Variants in ARL15 observed in about 807,000 individuals in gnomAD.
The protein encoded by ARL15 is ARF like GTPase 15, also known as ADP-ribosylation factor-like protein 15.
ARL15 carries 19 observed loss-of-function variants against 25.2 expected under a neutral mutation model. The observed-to-expected ratio is 0.75, with a 90% confidence interval of 0.53 to 1.10. The LOEUF (loss-of-function observed/expected upper bound fraction) is 1.10, where lower values mean the gene tolerates loss of function less well. Ranked by LOEUF, ARL15 falls within the 50% of genes least tolerant of loss-of-function variation. The pLI, the probability that ARL15 is intolerant of heterozygous loss-of-function variation, is 0.00. For missense variants in ARL15, 220 were observed against 246.0 expected, an observed-to-expected ratio of 0.89 and a Z score of 0.71; for synonymous variants, 94 against 86.8, an observed-to-expected ratio of 1.08 and a Z score of -0.46.
Position 54,076,513 on chromosome 5 carries a change from G to A in ARL15, c.462+36689C>T, listed in dbSNP as rs974088291. Among the ~76,000 whole-genome samples the A allele has an allele frequency of 6.6e-5, 10 of 151,778 alleles. No homozygotes were observed. In the East Asian group the frequency reaches 9.7e-4, roughly 15 times the overall value. On this transcript the variant is annotated intron_variant, in intron 4 of 4. Transcript: ENST00000504924. Reference sequence around the variant, plus strand: ...ATTATGGATTCATATCATAATATACGTCAATATTAAATCCTTTCTGATAAA... The same window carrying A: ...ATTATGGATTCATATCATAATATACATCAATATTAAATCCTTTCTGATAAA...
intron 3 of ARL15, among the ~76,000 whole-genome samples, chr5:54,116,147 C>CA (rs1264912948): frequency 1.3e-5 from 2 of 152,174 alleles, no homozygotes; most frequent in African/African-American, 4.8e-5. Flanking sequence ...AGTCATTAGC[C>CA]ATCCCTGGGG....
rs950909488 is a variant in ARL15 at position 54,216,525 on chromosome 5, A to C, written c.49-44597T>G. Among the ~76,000 whole-genome samples the C allele has an allele frequency of 2.0e-5, 3 of 152,104 alleles. No individual in the cohort carries two copies. The South Asian group carries it at 6.2e-4, about 32-fold the overall frequency. On this transcript the variant is annotated intron_variant, in intron 1 of 4. Coordinates refer to ENST00000504924, the MANE Select transcript of ARL15 (RefSeq NM_019087.3). ...GAGACACTGCATATGTTATATCCCA[A>C]ATTTCCACATACTCAGCATAAGCTA...
intron 1 of ARL15, 30 bp downstream of exon 1, chr5:54,310,402 G>A: frequency 6.2e-7 from 1 of 1,602,192 alleles, no homozygotes; most frequent in Non-Finnish European, 8.5e-7. Flanking sequence ...AGATCCGAGA[G>A]GCGACATGCC....
intron 4 of ARL15, among the ~76,000 whole-genome samples, chr5:54,043,272 T>C (rs1443786431): frequency 6.6e-6 from 1 of 152,132 alleles, no homozygotes; most frequent in African/African-American, 2.4e-5. Flanking sequence ...CATATACAAT[T>C]ACCTTCCCAG....
chr5:54,280,975 A>G (rs1265420874), intron 1 of ARL15, among the ~76,000 whole-genome samples: 3 of 136,326 alleles, frequency 2.2e-5, no homozygotes, highest in African/African-American at 8.3e-5. Context: ...AGGCTGGTGG[A>G]AAAAAAAAAA....
At chr5:54,244,088 T>G (rs1163672860) in intron 1 of ARL15, among the ~76,000 whole-genome samples, 1 of 152,176 alleles carries the variant, frequency 6.6e-6, no homozygotes, top group African/African-American at 2.4e-5. Flanking sequence ...CTAGATTAAG[T>G]AATAATATGA....
rs80135623 is a variant in ARL15 at position 53,955,846 on chromosome 5, T to C, written c.463-69133A>G. Reference sequence around the variant, plus strand: ...AAGAATTGTTTTTGTCATTTCTAACTTATCTAGAGGCTACCTGAAGAACTT... The same window carrying C: ...AAGAATTGTTTTTGTCATTTCTAACCTATCTAGAGGCTACCTGAAGAACTT... On this transcript the variant is annotated intron_variant, in intron 4 of 4. Transcript: ENST00000504924. Among the ~76,000 whole-genome samples the C allele has an allele frequency of 7.9e-3, 1,198 of 152,218 alleles. 9 individuals carry two copies. The highest frequency in any genetic ancestry group is 1.0e-2 in the Non-Finnish European group (679 of 68,012).
chr5:54,192,477 A>G (rs1354808994), intron 1 of ARL15, among the ~76,000 whole-genome samples: 2 of 151,878 alleles, frequency 1.3e-5, no homozygotes, highest in African/African-American at 2.4e-5. Flanking sequence ...ACCTTTTATC[A>G]TTGGACAGAG....
intron 1 of ARL15, among the ~76,000 whole-genome samples, chr5:54,275,369 C>T (rs1456953075): frequency 6.6e-6 from 1 of 152,184 alleles, no homozygotes; most frequent in Admixed American, 6.5e-5. Flanking sequence ...TAGAGTTCAC[C>T]TTTCCAAGCT....
At chr5:54,127,007 C>T (rs527720476) in intron 3 of ARL15, among the ~76,000 whole-genome samples, 3 of 152,150 alleles carry the variant, frequency 2.0e-5, no homozygotes, top group Admixed American at 2.0e-4. Flanking sequence ...CCACTTCCCC[C>T]ACCCCACAAC....
At chr5:54,159,595 T>C (rs914121396) in intron 2 of ARL15, among the ~76,000 whole-genome samples, 2 of 152,198 alleles carry the variant, frequency 1.3e-5, no homozygotes, top group Admixed American at 6.5e-5. Context: ...CCTGTAGTAT[T>C]TGGCTGAAGG....
intron 1 of ARL15, 123 bp downstream of exon 1, chr5:54,310,309 A>G: frequency 1.8e-6 from 2 of 1,121,924 alleles, no homozygotes; most frequent in Non-Finnish European, 1.2e-6. Context: ...CGGCTGCGGG[A>G]GAAAGAACCC....
At chr5:54,144,203 A>T (rs1159193278) in intron 3 of ARL15, among the ~76,000 whole-genome samples, 1 of 133,342 alleles carries the variant, frequency 7.5e-6, no homozygotes, top group Non-Finnish European at 1.8e-5. Context: ...ACATCTAAAT[A>T]TTTTTTTTTC....
chr5:54,163,355 GCTTTTT>G lies in ARL15; in HGVS notation c.193+8423_193+8428del, dbSNP rs1754467577. Among the ~76,000 whole-genome samples the G allele has an allele frequency of 1.9e-4, 10 of 51,346 alleles. 2 individuals carry two copies. The highest frequency in any genetic ancestry group is 4.3e-4 in the Admixed American group (2 of 4,680). The allele number at this position is 51,346 out of a possible 152,430, so 33.7% of individuals were successfully genotyped here. A position where few individuals can be genotyped will look rare whatever the true frequency, so the allele number is the denominator to read the frequency against. On this transcript the variant is annotated intron_variant, in intron 2 of 4. Transcript: ENST00000504924. ...TGTCCATGAGGGCTATTGGTATGAA[GCTTTTT>G]TTTTTTTTTTTTTTTTTTTTTTTTT...
At chr5:54,235,213 A>G (rs567266428) in intron 1 of ARL15, among the ~76,000 whole-genome samples, 2 of 152,330 alleles carry the variant, frequency 1.3e-5, no homozygotes, top group East Asian at 3.9e-4. Flanking sequence ...AAGGATAAGA[A>G]CCAATGCTTG....
chr5:54,305,752 C>T (rs1212943394), intron 1 of ARL15, among the ~76,000 whole-genome samples: 2 of 152,182 alleles, frequency 1.3e-5, no homozygotes, highest in Admixed American at 6.5e-5. Context: ...TGGTCTCTCT[C>T]TCTCTTAAAA....
intron 1 of ARL15, among the ~76,000 whole-genome samples, chr5:54,212,959 T>C (rs148364107): frequency 6.6e-6 from 1 of 152,310 alleles, no homozygotes; most frequent in East Asian, 1.9e-4. Context: ...GTTGTTAAAT[T>C]AGATGTCTCT....
Position 53,975,165 on chromosome 5 carries a change from A to G in ARL15, c.463-88452T>C, listed in dbSNP as rs183371875. On this transcript the variant is annotated intron_variant, in intron 4 of 4. Transcript: ENST00000504924. Reference sequence around the variant, plus strand: ...TCAGTCTTTCCTCCTTCCCATTCTAAGTATTTCCATCTTTTTCTCTAAACT... The same window carrying G: ...TCAGTCTTTCCTCCTTCCCATTCTAGGTATTTCCATCTTTTTCTCTAAACT... Among the ~76,000 whole-genome samples, 354 of 152,164 alleles carry G rather than the reference A, an allele frequency of 2.3e-3. 1 individual carries two copies. Among genetic ancestry groups the G allele is most frequent in the African/African-American group, 8.4e-3 (347 of 41,502 alleles).
intron 3 of ARL15, among the ~76,000 whole-genome samples, chr5:54,141,433 A>T (rs1753779368): frequency 6.6e-6 from 1 of 152,140 alleles, no homozygotes; most frequent in Non-Finnish European, 1.5e-5. Flanking sequence ...CAATCCAAGA[A>T]AAGGGCCAAA....
Sources: gnomAD v4.1 joint callset for allele counts (sites outside exome capture counted in the v4.1 genomes callset) on GRCh38, gnomAD v4.1.1 for gene constraint, MANE v1.5 for transcripts, NCBI Gene and HGNC (gene_info 2026-07-23, HGNC 2026-07-21) for gene names.